Variants in OTOGL observed in about 807,000 individuals in gnomAD.
OTOGL encodes the protein otogelin like, also known as otogelin-like protein.
A neutral mutation model predicts 318.5 loss-of-function variants in OTOGL; 285 were observed. The ratio of observed to expected loss-of-function variants is 0.89; its 90% CI spans 0.81 to 0.99. OTOGL has a LOEUF of 0.99. Ranked by LOEUF, OTOGL falls within the 50% of genes least tolerant of loss-of-function variation. OTOGL has a pLI of 0.00. For synonymous variants in OTOGL, 987 were observed against 936.5 expected, an observed-to-expected ratio of 1.05 and a Z score of -0.99; for missense variants, 2,899 against 2,845.6, an observed-to-expected ratio of 1.02 and a Z score of -0.43.
intron 1 of OTOGL, among the ~76,000 whole-genome samples, chr12:80,136,109 T>C (rs960250685): frequency 6.6e-6 from 1 of 152,228 alleles, no homozygotes; most frequent in African/African-American, 2.4e-5. Context: ...CCTTGATGAA[T>C]ACAATATCCT....
chr12:80,297,111 G>A, intron 27 of OTOGL, 150 bp downstream of exon 27: 1 of 667,636 alleles, frequency 1.5e-6, no homozygotes, highest in Non-Finnish European at 2.2e-6. Flanking sequence ...AGTACATTGT[G>A]CTTGACTTCT....
At chr12:80,261,412 G>A (rs1882514563) in intron 18 of OTOGL, among the ~76,000 whole-genome samples, 1 of 152,034 alleles carries the variant, frequency 6.6e-6, no homozygotes, top group South Asian at 2.1e-4. Flanking sequence ...TTTTCATTTG[G>A]TTTGCCCACT....
chr12:80,318,796 A>T (rs929068696), intron 33 of OTOGL, 83 bp downstream of exon 33: 18 of 1,011,390 alleles, frequency 1.8e-5, no homozygotes, highest in Admixed American at 4.3e-5. Flanking sequence ...TTGAGAATCT[A>T]ATATGTTTAT....
intron 1 of OTOGL, among the ~76,000 whole-genome samples, chr12:80,206,686 ATTTTT>A (rs774957299): frequency 7.4e-6 from 1 of 134,894 alleles, no homozygotes. Flanking sequence ...ATTGTTTTGT[ATTTTT>A]TTTTTTTTTT....
intron 26 of OTOGL, among the ~76,000 whole-genome samples, chr12:80,286,943 C>T (rs550201978): frequency 5.3e-5 from 8 of 152,184 alleles, no homozygotes; most frequent in South Asian, 2.1e-4. Flanking sequence ...AATTTGTTTG[C>T]GCTTGCTTCT....
At chr12:80,358,946 G>C (rs369365897) in intron 52 of OTOGL, 46 bp downstream of exon 52, 4 of 1,362,222 alleles carry the variant, frequency 2.9e-6, no homozygotes, top group Non-Finnish European at 4.0e-6. Flanking sequence ...ATTTAAATCT[G>C]TTTATTCTTC....
chr12:80,264,887 CTT>C, intron 19 of OTOGL, 112 bp from the exon 20 acceptor site: 2 of 1,088,106 alleles, frequency 1.8e-6, no homozygotes, highest in Non-Finnish European at 2.7e-6. Flanking sequence ...ATTGTTCACT[CTT>C]GTATTAAAAG....
chr12:80,220,670 A>G lies in OTOGL; in HGVS notation c.334+758A>G, dbSNP rs541731639. On this transcript the variant is annotated intron_variant, in intron 6 of 58. Coordinates refer to ENST00000547103, the MANE Select transcript of OTOGL (RefSeq NM_001378609.3). ...GTGTCTAAGATAGGATTCTATGTCA[A>G]TAATAATCAATAAATATTCATTTGT... is the stretch of plus-strand genomic sequence containing the variant. Among the ~76,000 whole-genome samples the G allele has an allele frequency of 3.5e-4, 44 of 124,918 alleles. 2 individuals carry two copies. The highest frequency in any genetic ancestry group is 7.4e-4 in the Non-Finnish European group (41 of 55,226). The allele number at this position is 124,918 out of a possible 152,430, so 82.0% of individuals were successfully genotyped here. A position where few individuals can be genotyped will look rare whatever the true frequency, so the allele number is the denominator to read the frequency against.
chr12:80,224,016 T>C (rs539645606), intron 7 of OTOGL, among the ~76,000 whole-genome samples: 1 of 152,278 alleles, frequency 6.6e-6, no homozygotes, highest in East Asian at 1.9e-4. Context: ...AGCCAATGTC[T>C]AGAAAGCTTT....
chr12:80,286,231 T>A (rs1432439986), intron 26 of OTOGL, among the ~76,000 whole-genome samples: 6 of 152,204 alleles, frequency 3.9e-5, no homozygotes, highest in Non-Finnish European at 5.9e-5. Flanking sequence ...GCCACCTTGA[T>A]CGTGGTGGAT....
At chr12:80,229,169 C>T in intron 7 of OTOGL, 88 bp from the exon 8 acceptor site, 1 of 1,424,772 alleles carries the variant, frequency 7.0e-7, no homozygotes, top group South Asian at 1.2e-5. Flanking sequence ...ACTAATGAAA[C>T]TATATGATTG....
intron 46 of OTOGL, among the ~76,000 whole-genome samples, chr12:80,355,100 A>G (rs1368185615): frequency 1.3e-5 from 2 of 152,118 alleles, no homozygotes; most frequent in East Asian, 1.9e-4. Flanking sequence ...AATTATATTA[A>G]CAGGACTTAA....
intron 18 of OTOGL, among the ~76,000 whole-genome samples, chr12:80,260,287 G>A (rs1882419810): frequency 6.6e-6 from 1 of 152,000 alleles, no homozygotes; most frequent in Non-Finnish European, 1.5e-5. Context: ...TTATTTGTAG[G>A]TCAAAATATT....
In OTOGL at chr12:80,191,548, A is replaced by T. The variant is rs538665567; in HGVS notation, c.-19-17865A>T. Among the ~76,000 whole-genome samples, 11 of 152,380 alleles carry T rather than the reference A, an allele frequency of 7.2e-5. No homozygotes were observed. In the South Asian group the frequency reaches 2.3e-3, roughly 32 times the overall value. Reference sequence around the variant, plus strand: ...AACCATATACTGTATTTCTTAATATATTCACATTTACTCAAAATAACCAAA... The same window carrying T: ...AACCATATACTGTATTTCTTAATATTTTCACATTTACTCAAAATAACCAAA... On this transcript the variant is annotated intron_variant, in intron 1 of 58. Coordinates refer to ENST00000547103, the MANE Select transcript of OTOGL (RefSeq NM_001378609.3).
chr12:80,132,752 C>T (rs1871317989), intron 1 of OTOGL: 1 of 152,188 alleles, frequency 6.6e-6, no homozygotes. Flanking sequence ...TAAAGATTGT[C>T]TGCTGATCAC....
In OTOGL at chr12:80,336,823, G is replaced by T. The variant is rs368532437; in HGVS notation, c.4767+3G>T. 5 of 1,529,668 alleles carry T rather than the reference G, an allele frequency of 3.3e-6. No individual in the cohort carries two copies. The highest frequency in any genetic ancestry group is 1.7e-4 in the Middle Eastern group (1 of 5,736). 94.8% of individuals were successfully genotyped at this position (1,529,668 alleles called of 1,614,324 possible). ...ATGGAAACTCCTTAAAAAAGCTAGT[G>T]AGTATTTGCAAAGTGTTTAGTACAT... On this transcript the variant is annotated splice_donor_region_variant and intron_variant, in intron 41 of 58. Coordinates refer to ENST00000547103, the MANE Select transcript of OTOGL (RefSeq NM_001378609.3).
intron 1 of OTOGL, among the ~76,000 whole-genome samples, chr12:80,154,930 C>T (rs1295192916): frequency 2.0e-5 from 3 of 152,204 alleles, no homozygotes; most frequent in Non-Finnish European, 4.4e-5. Context: ...GCTACACATC[C>T]TTGCCAGCAT....
At chr12:80,326,386 C>T (rs968180313) in intron 35 of OTOGL, among the ~76,000 whole-genome samples, 2 of 151,924 alleles carry the variant, frequency 1.3e-5, no homozygotes, top group African/African-American at 4.8e-5. Context: ...TTAAACTTAT[C>T]AGTTAGAAGT....
chr12:80,314,305 C>A lies in OTOGL; in HGVS notation c.3608C>A (p.Ser1203Ter). ...SIHWRSSTVC[S>*]LDCEYYNEGL... Reference sequence around the variant, plus strand: ...AATATTTATTCTTTTTTTCTTTTAGCACTTGATTGTGAATACTACAATGAA... The same window carrying A: ...AATATTTATTCTTTTTTTCTTTTAGAACTTGATTGTGAATACTACAATGAA... Residue 1203 changes from serine to a stop codon, truncating the protein, a stop_gained and splice_region_variant, in exon 32 of 59, where the codon TCA becomes TAA. Coordinates refer to ENST00000547103, the MANE Select transcript of OTOGL (RefSeq NM_001378609.3). LOFTEE classifies it high-confidence loss of function. The A allele has an allele frequency of 9.6e-7, 1 of 1,045,410 alleles. No homozygotes were observed. Among genetic ancestry groups the A allele is most frequent in the Non-Finnish European group, 1.3e-6 (1 of 783,882 alleles). The allele number at this position is 1,045,410 out of a possible 1,614,324, so 64.8% of individuals were successfully genotyped here. A position where few individuals can be genotyped will look rare whatever the true frequency, so the allele number is the denominator to read the frequency against.
Sources: gnomAD v4.1 joint callset for allele counts (sites outside exome capture counted in the v4.1 genomes callset) on GRCh38, gnomAD v4.1.1 for gene constraint, MANE v1.5 for transcripts, NCBI Gene and HGNC (gene_info 2026-07-23, HGNC 2026-07-21) for gene names.